The following ZNF581 variants were observed in gnomAD, a reference collection of about 807,000 sequenced individuals.
The protein encoded by ZNF581 is zinc finger protein 581.
In ZNF581, 1 loss-of-function variant was observed where a neutral mutation model predicts 1.2. That is an observed-to-expected ratio of 0.83 (90% confidence interval 0.30 to 3.95). The LOEUF (loss-of-function observed/expected upper bound fraction) is 3.95, where lower values mean the gene tolerates loss of function less well. Ranked by LOEUF, ZNF581 falls within the 30% of genes most tolerant of loss-of-function variation. The probability of loss-of-function intolerance (pLI) is 0.18; values close to 1 mark genes in which losing one functional copy is unlikely to be tolerated. For synonymous variants in ZNF581, 105 were observed against 109.2 expected, an observed-to-expected ratio of 0.96 and a Z score of 0.24; for missense variants, 273 against 274.6, an observed-to-expected ratio of 0.99 and a Z score of 0.04.
chr19:55,641,096 G>A, upstream of ZNF581: 3 of 985,358 alleles, frequency 3.0e-6, no homozygotes, highest in Non-Finnish European at 3.6e-6. Flanking sequence ...CGGAAGTCTC[G>A]GTTCCGCCGC....
chr19:55,640,651 C>G (rs893547205), upstream of ZNF581: 20 of 985,354 alleles, frequency 2.0e-5, no homozygotes, highest in Non-Finnish European at 2.4e-6. Flanking sequence ...GGACCTCGGT[C>G]TCCACATTTG....
upstream of ZNF581, chr19:55,640,389 C>T (rs1982379308): frequency 1.0e-6 from 1 of 985,390 alleles, no homozygotes; most frequent in African/African-American, 1.7e-5. Flanking sequence ...CCTTTCCCAC[C>T]TCCGCATCTG....
At chr19:55,640,319 G>C (rs567622034), upstream of ZNF581, 10 of 985,140 alleles carry the variant, frequency 1.0e-5, 1 homozygote, top group Admixed American at 4.3e-4. Context: ...AGTGCCCCAG[G>C]ACCTGGCGCA....
upstream of ZNF581, chr19:55,642,843 T>C: frequency 6.3e-7 from 1 of 1,575,294 alleles, no homozygotes; most frequent in Non-Finnish European, 8.6e-7. Context: ...AGCCACCGCG[T>C]GTCGCACTCG....
rs543117055 is a variant in ZNF581, at chr19:55,644,512, C to T, written c.-19-41C>T. The T allele has an allele frequency of 3.0e-6, 4 of 1,317,636 alleles. No individual in the cohort carries two copies. The highest frequency in any genetic ancestry group is 1.5e-5 in the African/African-American group (1 of 67,620). 81.6% of individuals were successfully genotyped at this position (1,317,636 alleles called of 1,614,324 possible). On this transcript the variant is annotated intron_variant, in intron 1 of 1. Coordinates refer to ENST00000270451, the MANE Select transcript of ZNF581 (RefSeq NM_016535.4). The surrounding 1 kb of genome is among the most constrained non-coding windows in gnomAD (Gnocchi z 4.3). ...ATGGAGCCTGTGGTGCTGAGCTGCC[C>T]TCTTCTATATAACCTTCTTATCCCA...
rs143725129 is a variant in ZNF581, at chr19:55,644,666, A to C, written c.95A>C (p.Glu32Ala). The C allele has an allele frequency of 1.4e-4, 219 of 1,612,676 alleles. No homozygotes were observed. In the African/African-American group the frequency reaches 2.5e-3, roughly 18 times the overall value. ...GPPRRTCRSP[E>A]PGPSSSIGSP... ...CCCCGTCGGACTTGCCGCTCCCCAG[A>C]ACCTGGACCTTCCTCCTCCATCGGA... The change falls in exon 2 of 2, where the codon GAA becomes GCA. Residue 32 changes from glutamate (E) to alanine (A), a missense_variant. Glu to Ala is a moderately radical substitution (Grantham distance 107). Coordinates refer to ENST00000270451, the MANE Select transcript of ZNF581 (RefSeq NM_016535.4). The surrounding 1 kb of genome is among the most constrained non-coding windows in gnomAD (Gnocchi z 4.3).
At chr19:55,643,186 C>T, upstream of ZNF581, 1 of 1,193,006 alleles carries the variant, frequency 8.4e-7, no homozygotes, top group Non-Finnish European at 1.1e-6. Flanking sequence ...AGCATCATTC[C>T]TTCCTTACCC....
rs1266839596 is a variant in ZNF581, at chr19:55,644,610, A to T, written c.39A>T (p.Ala13=). ...VLPSPCPQPL[A]FSSVETMEGP... ...CATCCCCCTGCCCTCAGCCTCTGGC[A>T]TTTTCCTCCGTTGAGACCATGGAGG... is the stretch of plus-strand genomic sequence containing the variant. Residue 13 remains alanine, a synonymous_variant, in exon 2 of 2, where the codon GCA becomes GCT. Transcript: ENST00000270451. The surrounding 1 kb of genome is among the most constrained non-coding windows in gnomAD (Gnocchi z 4.3). 1 of 1,607,554 alleles carries T rather than the reference A, an allele frequency of 6.2e-7. No homozygotes were observed. The highest frequency in any genetic ancestry group is 2.2e-5 in the East Asian group (1 of 44,558).
chr19:55,645,262 C>T lies in ZNF581; in HGVS notation c.*97C>T, dbSNP rs540511436. On this transcript the variant is annotated 3_prime_UTR_variant, in exon 2 of 2. Coordinates refer to ENST00000270451, the MANE Select transcript of ZNF581 (RefSeq NM_016535.4). ...GAGAGCCTGAGGCTGGTGTTCAGGG[C>T]CCTGGACACAGACACAGAGCAGCCG... The T allele has an allele frequency of 1.8e-6, 2 of 1,117,340 alleles. No individual in the cohort carries two copies. Among genetic ancestry groups the T allele is most frequent in the Admixed American group, 6.0e-5 (2 of 33,476 alleles). The allele number at this position is 1,117,340 out of a possible 1,614,324, so 69.2% of individuals were successfully genotyped here. A position where few individuals can be genotyped will look rare whatever the true frequency, so the allele number is the denominator to read the frequency against.
upstream of ZNF581, chr19:55,641,135 G>T: frequency 1.0e-6 from 1 of 985,320 alleles, no homozygotes; most frequent in Non-Finnish European, 1.2e-6. Context: ...GCCCGGGGCC[G>T]CCCGGGACCT....
upstream of ZNF581, chr19:55,640,439 G>A (rs557803295): frequency 1.0e-6 from 1 of 985,488 alleles, no homozygotes; most frequent in South Asian, 4.7e-5. Flanking sequence ...GTCGCCACAT[G>A]CCTTCTGGAA....
upstream of ZNF581, chr19:55,642,862 G>A: frequency 1.9e-6 from 3 of 1,570,906 alleles, no homozygotes; most frequent in Non-Finnish European, 1.7e-6. Context: ...CGGACCTCAA[G>A]CCCTTCACGT....
At chr19:55,640,995 G>A (rs1982423842), upstream of ZNF581, 1 of 985,376 alleles carries the variant, frequency 1.0e-6, no homozygotes, top group Non-Finnish European at 1.2e-6. Context: ...GCGCGCTTCC[G>A]GCCGGCGCCT....
chr19:55,640,167 C>T (rs1230552058), upstream of ZNF581: 3 of 985,476 alleles, frequency 3.0e-6, no homozygotes, highest in East Asian at 3.4e-4. Context: ...CCTGCGAGGC[C>T]GTGGCGCCAC....
chr19:55,643,465 A>C (rs1279087200), upstream of ZNF581: 1 of 182,228 alleles, frequency 5.5e-6, no homozygotes, highest in Non-Finnish European at 1.2e-5. Context: ...AACATTCCGC[A>C]CTCCATTTTC....
At chr19:55,640,192 A>C, upstream of ZNF581, 1 of 985,402 alleles carries the variant, frequency 1.0e-6, no homozygotes. Context: ...CTGGAGGAGG[A>C]GCTGCAGCTG....
upstream of ZNF581, chr19:55,642,697 C>T (rs1321248156): frequency 2.0e-6 from 3 of 1,486,114 alleles, no homozygotes; most frequent in Non-Finnish European, 2.7e-6. Flanking sequence ...GGGTCCCCTA[C>T]ACATACACGG....
chr19:55,642,616 C>T (rs772717545), upstream of ZNF581: 38 of 1,464,040 alleles, frequency 2.6e-5, no homozygotes, highest in Non-Finnish European at 3.2e-5. Context: ...AAGGCCCCTC[C>T]TCCACTCCTT....
At chr19:55,636,702 G>A (rs538951468), upstream of ZNF581, among the ~76,000 whole-genome samples, 2 of 152,248 alleles carry the variant, frequency 1.3e-5, no homozygotes, top group South Asian at 4.2e-4. Flanking sequence ...GCTGTGGGAT[G>A]TGAAGGAAAT....
Sources: allele counts gnomAD v4.1 joint callset (sites outside exome capture counted in the v4.1 genomes callset), GRCh38; gene constraint gnomAD v4.1.1; non-coding constraint Gnocchi (gnomAD v3.1); transcripts MANE v1.5; gene names NCBI Gene and HGNC (gene_info 2026-07-23, HGNC 2026-07-21).